Variants in POU2F3 observed in about 807,000 individuals in gnomAD.
The protein encoded by POU2F3 is POU domain, class 2, transcription factor 3.
In POU2F3, 23 loss-of-function variants were observed where a neutral mutation model predicts 59.2. The observed-to-expected ratio is 0.39, with a 90% CI of 0.28 to 0.55. POU2F3 has a LOEUF of 0.55. POU2F3 is among the 20% of genes least tolerant of loss of function. The probability of loss-of-function intolerance (pLI) is 0.66; values close to 1 mark genes in which losing one functional copy is unlikely to be tolerated. For synonymous variants in POU2F3, 190 were observed against 214.6 expected, an observed-to-expected ratio of 0.89 and a Z score of 1.00; for missense variants, 473 against 544.5, an observed-to-expected ratio of 0.87 and a Z score of 1.31.
intron 2 of POU2F3, among the ~76,000 whole-genome samples, chr11:120,264,487 A>T (rs2135180461): frequency 1.3e-5 from 2 of 152,272 alleles, no homozygotes; most frequent in East Asian, 3.9e-4. Context: ...AAGGGTGAGT[A>T]TTTTCTAGGT....
At chr11:120,288,704 C>G (rs1460377005) in intron 3 of POU2F3, among the ~76,000 whole-genome samples, 1 of 150,072 alleles carries the variant, frequency 6.7e-6, no homozygotes, top group Non-Finnish European at 1.5e-5. Context: ...GTGGGCCACA[C>G]CCCTGGTGTT....
Position 120,274,185 on chromosome 11 carries a change from C to T in POU2F3, c.132+4941C>T, listed in dbSNP as rs537094507. Among the ~76,000 whole-genome samples, 8 of 151,348 alleles carry T rather than the reference C, an allele frequency of 5.3e-5. No individual in the cohort carries two copies. The East Asian group carries it at 1.5e-3, about 29-fold the overall frequency. On this transcript the variant is annotated intron_variant, in intron 3 of 12. Transcript: ENST00000543440. Reference sequence around the variant, plus strand: ...TGCACACAAACATAGAGCCTGGCTGCCTGGCTGTGAATCCTAGCTCCAGCA... The same window carrying T: ...TGCACACAAACATAGAGCCTGGCTGTCTGGCTGTGAATCCTAGCTCCAGCA...
At chr11:120,267,071 C>T (rs1405947033) in intron 2 of POU2F3, among the ~76,000 whole-genome samples, 2 of 152,016 alleles carry the variant, frequency 1.3e-5, no homozygotes, top group African/African-American at 4.8e-5. Context: ...CTTCATCTAC[C>T]CCTTTCAACA....
chr11:120,315,507 T>G, intron 11 of POU2F3, 80 bp downstream of exon 11: 1 of 1,328,050 alleles, frequency 7.5e-7, no homozygotes, highest in Non-Finnish European at 1.1e-6. Flanking sequence ...GGTATCTACC[T>G]AAGTCAGGCT....
intron 3 of POU2F3, among the ~76,000 whole-genome samples, chr11:120,289,836 T>C (rs1328181196): frequency 1.3e-5 from 2 of 152,194 alleles, no homozygotes; most frequent in Non-Finnish European, 2.9e-5. Context: ...AATGGCAGCC[T>C]TTTCTTTGCC....
intron 2 of POU2F3, among the ~76,000 whole-genome samples, chr11:120,247,251 T>C (rs1419290734): frequency 6.6e-6 from 1 of 152,340 alleles, no homozygotes; most frequent in East Asian, 1.9e-4. Flanking sequence ...ATAACTTTAA[T>C]AGCATTCCAA....
intron 2 of POU2F3, among the ~76,000 whole-genome samples, chr11:120,247,367 G>A (rs1188735112): frequency 6.6e-6 from 1 of 152,182 alleles, no homozygotes; most frequent in Non-Finnish European, 1.5e-5. Context: ...ATCTTGTAGA[G>A]CAGTGTAGTT....
intron 2 of POU2F3, among the ~76,000 whole-genome samples, chr11:120,260,578 TC>T (rs1404501964): frequency 6.6e-6 from 1 of 152,234 alleles, no homozygotes; most frequent in Non-Finnish European, 1.5e-5. Flanking sequence ...CCTTTTACTC[TC>T]TTGATCACTT....
intron 10 of POU2F3, among the ~76,000 whole-genome samples, chr11:120,311,957 C>G (rs564402140): frequency 2.8e-4 from 42 of 151,940 alleles, no homozygotes; most frequent in Admixed American, 7.2e-4. Flanking sequence ...GGAATGAGCC[C>G]CATAGGAGTG....
At position 120,309,519 on chromosome 11, in the gene POU2F3, A is replaced by G; in HGVS notation, c.1001A>G (p.Gln334Arg). ...AGGGTCTGGTTCTGCAACCGACGCC[A>G]AAAGGAGAAGCGAATCAACTGCCCT... The part of the protein sequence containing the change: ...VVRVWFCNRR[Q>R]KEKRINCPVA... The change falls in exon 10 of 13, where the codon CAA becomes CGA. Residue 334 changes from glutamine (Q) to arginine (R), a missense_variant. Physicochemically the swap from Gln to Arg is conservative, Grantham distance 43. Coordinates refer to ENST00000543440, the MANE Select transcript of POU2F3 (RefSeq NM_014352.4). 1 of 1,614,114 alleles carries G rather than the reference A, an allele frequency of 6.2e-7. No individual in the cohort carries two copies. The highest frequency in any genetic ancestry group is 2.2e-5 in the East Asian group (1 of 44,866).
intron 3 of POU2F3, among the ~76,000 whole-genome samples, chr11:120,291,494 G>T (rs1941018335): frequency 6.6e-6 from 1 of 152,194 alleles, no homozygotes; most frequent in African/African-American, 2.4e-5. Flanking sequence ...GGCGAAGGAA[G>T]GCAATCAACA....
At chr11:120,302,150 AC>A in intron 5 of POU2F3, 135 bp from the exon 6 acceptor site, 4 of 688,550 alleles carry the variant, frequency 5.8e-6, no homozygotes, top group Non-Finnish European at 1.0e-5. Context: ...TCTCCATGGG[AC>A]TTGAGGTGGG....
intron 6 of POU2F3, chr11:120,303,715 C>G (rs1181058172): frequency 6.6e-6 from 1 of 152,220 alleles, no homozygotes; most frequent in African/African-American, 2.4e-5. Context: ...CTAAAAGACC[C>G]TTCACTGGGG....
intron 1 of POU2F3, among the ~76,000 whole-genome samples, chr11:120,244,412 A>G (rs1288306203): frequency 6.6e-6 from 1 of 152,218 alleles, no homozygotes; most frequent in African/African-American, 2.4e-5. Context: ...GTTTTCATTC[A>G]GTATTTCATT....
intron 3 of POU2F3, among the ~76,000 whole-genome samples, chr11:120,290,473 G>C (rs1320334757): frequency 6.6e-6 from 1 of 152,184 alleles, no homozygotes; most frequent in African/African-American, 2.4e-5. Context: ...CCAGAATTCT[G>C]AGTGGGAGGC....
chr11:120,254,029 C>T (rs1046584408), intron 2 of POU2F3: 2 of 152,276 alleles, frequency 1.3e-5, no homozygotes, highest in African/African-American at 4.8e-5. Context: ...GCCACTGCAG[C>T]TTTCTGAGCC....
intron 3 of POU2F3, among the ~76,000 whole-genome samples, chr11:120,295,780 T>A (rs1027641666): frequency 3.3e-5 from 5 of 152,156 alleles, no homozygotes; most frequent in Admixed American, 2.0e-4. Flanking sequence ...CAGGCAGCCA[T>A]GTTTTTTGAG....
At chr11:120,295,300 A>G (rs1389649500) in intron 3 of POU2F3, among the ~76,000 whole-genome samples, 1 of 152,194 alleles carries the variant, frequency 6.6e-6, no homozygotes. Context: ...TCCCTTGTGC[A>G]TAATGAGTCT....
intron 1 of POU2F3, among the ~76,000 whole-genome samples, chr11:120,241,289 T>G (rs1938651424): frequency 6.6e-6 from 1 of 152,310 alleles, no homozygotes; most frequent in East Asian, 1.9e-4. Flanking sequence ...TTCGGGGCTG[T>G]TGATGGGAAT....
Sources: allele counts gnomAD v4.1 joint callset (sites outside exome capture counted in the v4.1 genomes callset), GRCh38; gene constraint gnomAD v4.1.1; transcripts MANE v1.5; gene names NCBI Gene and HGNC (gene_info 2026-07-23, HGNC 2026-07-21).